The following PSG5 variants were observed in gnomAD, a reference collection of about 807,000 sequenced individuals.
PSG5 encodes the protein pregnancy specific beta-1-glycoprotein 5, also known as pregnancy-specific beta-1-glycoprotein 5.
A neutral mutation model predicts 37.7 loss-of-function variants in PSG5; 53 were observed. The ratio of observed to expected loss-of-function variants is 1.41; its 90% CI spans 1.13 to 1.77. The LOEUF (loss-of-function observed/expected upper bound fraction) is 1.77. Ranked by LOEUF, PSG5 falls within the 40% of genes most tolerant of loss-of-function variation. The pLI is 0.00. For missense variants in PSG5, 547 were observed against 405.2 expected (o/e 1.35, Z -3.00); for synonymous variants, 221 against 155.4 (o/e 1.42, Z -3.14).
In PSG5 at chr19:43,175,901, C is replaced by G. The variant is rs1326579387; in HGVS notation, c.678G>C (p.Met226Ile). Residue 226 changes from methionine to isoleucine, a missense_variant, in exon 3 of 6, where the codon ATG (methionine) becomes ATC (isoleucine). By Grantham distance (10) the Met-to-Ile change is conservative. Coordinates refer to ENST00000342951, the MANE Select transcript of PSG5 (RefSeq NM_002781.4). ...ECEIRDRDGGMRSDPVTLNVL... is the reference protein window; with the variant it reads ...ECEIRDRDGGIRSDPVTLNVL... ...CATTCAGGGTGACTGGGTCACTGCGCATGCCACCATCTCGGTCCCGTATTT... is the reference window on the plus strand; with the variant it reads ...CATTCAGGGTGACTGGGTCACTGCGGATGCCACCATCTCGGTCCCGTATTT... 5.0e-6 allele frequency: 8 copies of G among 1,612,482 alleles called. No homozygotes were observed. Among genetic ancestry groups the G allele is most frequent in the Admixed American group, 1.7e-5 (1 of 59,892 alleles).
Position 43,178,479 on chromosome 19 carries a change from C to G in PSG5, c.431-2331G>C, listed in dbSNP as rs4028459. Among the ~76,000 whole-genome samples the G allele has an allele frequency of 2.6e-5, 4 of 151,724 alleles. No homozygotes were observed. The South Asian group carries it at 8.3e-4, about 31-fold the overall frequency. ...GAAATGGTGGGGGCATCCAGGCCAT[C>G]TGGAGCAAAGAGAATAAAGTCACAG... On this transcript the variant is annotated intron_variant, in intron 2 of 5. Coordinates refer to ENST00000342951, the MANE Select transcript of PSG5 (RefSeq NM_002781.4).
chr19:43,179,197 C>CT, intron 2 of PSG5: 1 of 1,550,704 alleles, frequency 6.4e-7, no homozygotes, highest in Admixed American at 1.7e-5. Context: ...TGTGTGGCAC[C>CT]TTTGATTCCT....
chr19:43,172,908 T>A (rs936268484), intron 4 of PSG5, among the ~76,000 whole-genome samples: 15 of 151,558 alleles, frequency 9.9e-5, no homozygotes, highest in Non-Finnish European at 1.6e-4. Context: ...ATCTCATGAC[T>A]CTAAATAGAC....
chr19:43,172,206 C>A (rs2122205226), intron 4 of PSG5, among the ~76,000 whole-genome samples: 1 of 151,496 alleles, frequency 6.6e-6, no homozygotes, highest in African/African-American at 2.4e-5. Flanking sequence ...AATATTTTTT[C>A]ATAATGAAAA....
intron 5 of PSG5, 146 bp downstream of exon 5, chr19:43,169,909 A>T: frequency 2.0e-6 from 1 of 511,728 alleles, no homozygotes; most frequent in Non-Finnish European, 3.7e-6. Flanking sequence ...GGAGAAAGGG[A>T]ACTGCAGGAA....
rs759747108 is a variant in PSG5, at chr19:43,184,759, A to T, written c.430+23T>A. Reference sequence around the variant, plus strand: ...AAATGACCCCTGTCCCCCAACACCCAGGGATCATGTGGAATCACTCACGGT... The same window carrying T: ...AAATGACCCCTGTCCCCCAACACCCTGGGATCATGTGGAATCACTCACGGT... On this transcript the variant is annotated intron_variant, in intron 2 of 5. Transcript: ENST00000342951. 5 of 1,611,696 alleles carry T rather than the reference A, an allele frequency of 3.1e-6. No homozygotes were observed. In the Admixed American group the frequency reaches 5.0e-5, roughly 16 times the overall value.
At chr19:43,183,909 CTGTGGA>C (rs1209762260) in intron 2 of PSG5, among the ~76,000 whole-genome samples, 6 of 103,616 alleles carry the variant, frequency 5.8e-5, no homozygotes, top group Non-Finnish European at 9.5e-5. Flanking sequence ...GGCAAATGGA[CTGTGGA>C]TTTTCATGCT....
In PSG5 at chr19:43,175,376, G is replaced by A. The variant is rs374635478; in HGVS notation, c.803C>T (p.Pro268Leu). The change falls in exon 4 of 6, where the codon CCG becomes CTG. Residue 268 changes from proline (P) to leucine (L), a missense_variant. Pro to Leu is a moderately conservative substitution (Grantham distance 98). Transcript: ENST00000342951. ...ATTAATTGTCCAAAAATACTCTGCC[G>A]GTGGGTTAGATTCCGCGAAGCAGGA... ...YLSCFAESNPPAEYFWTINGK... is the reference protein window; with the variant it reads ...YLSCFAESNPLAEYFWTINGK... 3.8e-5 allele frequency: 62 copies of A among 1,612,740 alleles called. 1 individual carries two copies. Among genetic ancestry groups the A allele is most frequent in the Middle Eastern group, 3.3e-4 (2 of 6,074 alleles).
rs903954997 is a variant in PSG5 at position 43,182,577 on chromosome 19, A to G, written c.430+2205T>C. 6.0e-5 allele frequency among the ~76,000 whole-genome samples: 9 copies of G among 151,128 alleles called. 1 individual carries two copies. The highest frequency in any genetic ancestry group is 2.2e-4 in the African/African-American group (9 of 40,906). Reference sequence around the variant, plus strand: ...TTTTTAGTCCTGTGCCCCTGAAACTATCCTTGAAAATCTCTAACCCCTGAT... The same window carrying G: ...TTTTTAGTCCTGTGCCCCTGAAACTGTCCTTGAAAATCTCTAACCCCTGAT... On this transcript the variant is annotated intron_variant, in intron 2 of 5. Transcript: ENST00000342951.
chr19:43,184,963 T>C lies in PSG5; in HGVS notation c.249A>G (p.Val83=), dbSNP rs1568376899. The part of the protein sequence containing the change: ...MDLYHYITSY[V]VDGQINIYGP... ...CATATATATTTATTTGACCGTCTAC[T>C]ACATATGATGTAATGTAATGGTAGA... Residue 83 remains valine, a synonymous_variant, in exon 2 of 6, where the codon GTA becomes GTG. Transcript: ENST00000342951. The C allele has an allele frequency of 4.3e-6, 7 of 1,612,408 alleles. No homozygotes were observed. Among genetic ancestry groups the C allele is most frequent in the Non-Finnish European group, 5.9e-6 (7 of 1,179,094 alleles).
intron 1 of PSG5, among the ~76,000 whole-genome samples, chr19:43,185,747 C>T: frequency 6.6e-6 from 1 of 151,546 alleles, no homozygotes; most frequent in South Asian, 2.1e-4. Context: ...GTTTTATTTT[C>T]CCCCAATTGT....
chr19:43,185,143 T>C lies in PSG5; in HGVS notation c.69A>G (p.Ser23=), dbSNP rs777219097. 1 of 1,600,942 alleles carries C rather than the reference T, an allele frequency of 6.2e-7. No homozygotes were observed. The highest frequency in any genetic ancestry group is 8.5e-7 in the Non-Finnish European group (1 of 1,172,980). ...TAGGCAGGTTCCAGAAGTTTAAAAG[T>C]GATGCTAGGAGGTGGAGAAAGCACC... ...ITWKGLLLTA[S]LLNFWNLPIT... The change falls in exon 2 of 6, where the codon TCA becomes TCG. Residue 23 remains serine, a synonymous_variant. Transcript: ENST00000342951.
In PSG5 at chr19:43,172,973, G is replaced by A. The variant is rs182559872; in HGVS notation, c.964+2242C>T. ...GGAGGACTCACACTTCCTGATTTCA[G>A]CATTTACTACAAAGCCCTAGTAATC... On this transcript the variant is annotated intron_variant, in intron 4 of 5. Coordinates refer to ENST00000342951, the MANE Select transcript of PSG5 (RefSeq NM_002781.4). Among the ~76,000 whole-genome samples the A allele has an allele frequency of 4.5e-3, 676 of 151,802 alleles. 25 individuals carry two copies. Among genetic ancestry groups the A allele is most frequent in the Middle Eastern group, 0.024 (7 of 294 alleles).
chr19:43,172,878 T>A (rs1226932081), intron 4 of PSG5, among the ~76,000 whole-genome samples: 1 of 151,586 alleles, frequency 6.6e-6, no homozygotes, highest in African/African-American at 2.4e-5. Flanking sequence ...AAGACAAATC[T>A]GTCCTAAAAT....
chr19:43,181,186 C>T (rs117882070), intron 2 of PSG5, among the ~76,000 whole-genome samples: 3,342 of 151,688 alleles, frequency 0.022, 104 homozygotes, highest in Middle Eastern at 0.055. Flanking sequence ...ACCTGGCCAC[C>T]TCCAACTGGT....
intron 4 of PSG5, 31 bp downstream of exon 4, chr19:43,175,184 C>T: frequency 6.2e-7 from 1 of 1,612,122 alleles, no homozygotes; most frequent in Non-Finnish European, 8.5e-7. Flanking sequence ...CACCTAAAAC[C>T]CTATTGCCAA....
intron 2 of PSG5, among the ~76,000 whole-genome samples, chr19:43,178,377 G>T (rs1470319481): frequency 6.6e-6 from 1 of 151,810 alleles, no homozygotes; most frequent in Non-Finnish European, 1.5e-5. Flanking sequence ...AGCCAAGAAT[G>T]CTCTGCCAGT....
At chr19:43,175,103 C>G in intron 4 of PSG5, 112 bp downstream of exon 4, 1 of 1,598,558 alleles carries the variant, frequency 6.3e-7, no homozygotes, top group South Asian at 1.1e-5. Context: ...TTGGGATTTG[C>G]TTGTGCCCAT....
In PSG5 at chr19:43,185,207, G is replaced by T. The variant is rs531680745; in HGVS notation, c.65-60C>A. ...ACCTGTGTATTGGGGTGAAAAGATG[G>T]AGCCCTGGGTCCTGAGAAGGTCTCT... On this transcript the variant is annotated intron_variant, in intron 1 of 5. Transcript: ENST00000342951. 14 of 1,518,006 alleles carry T rather than the reference G, an allele frequency of 9.2e-6. No individual in the cohort carries two copies. In the African/African-American group the frequency reaches 1.1e-4, roughly 12 times the overall value. The allele number at this position is 1,518,006 out of a possible 1,614,324, so 94.0% of individuals were successfully genotyped here.
Sources: allele counts gnomAD v4.1 joint callset (sites outside exome capture counted in the v4.1 genomes callset), GRCh38; gene constraint gnomAD v4.1.1; transcripts MANE v1.5; gene names NCBI Gene and HGNC (gene_info 2026-07-23, HGNC 2026-07-21).